Variants in HECTD2 observed in about 807,000 individuals in gnomAD.
HECTD2 encodes the protein HECT domain E3 ubiquitin protein ligase 2, also known as probable E3 ubiquitin-protein ligase HECTD2.
A neutral mutation model predicts 103.2 loss-of-function variants in HECTD2; 35 were observed. That is an observed-to-expected ratio of 0.34 (90% CI 0.26 to 0.45). The LOEUF is 0.45. HECTD2 is among the 20% of genes least tolerant of loss of function. The pLI is 1.00. For synonymous variants in HECTD2, 281 were observed against 329.9 expected (o/e 0.85, Z 1.61); for missense variants, 596 against 937.4 (o/e 0.64, Z 4.76).
At chr10:91,445,476 G>C (rs1439577195) in intron 2 of HECTD2, among the ~76,000 whole-genome samples, 1 of 152,124 alleles carries the variant, frequency 6.6e-6, no homozygotes, top group African/African-American at 2.4e-5. Flanking sequence ...AGTCTTAGAA[G>C]TATGGGACTG....
chr10:91,424,428 C>T lies in HECTD2; in HGVS notation c.139-853C>T, dbSNP rs989083410. On this transcript the variant is annotated intron_variant, in intron 1 of 20. Coordinates refer to ENST00000298068, the MANE Select transcript of HECTD2 (RefSeq NM_182765.6). ...CTCTACTGTGAAAGTGAAGACGTTA[C>T]CTTTAGAATTTAAAAGTGGATGTTA... is the stretch of plus-strand genomic sequence containing the variant. 3.4e-5 allele frequency among the ~76,000 whole-genome samples: 5 copies of T among 146,482 alleles called. No individual in the cohort carries two copies. The East Asian group carries it at 7.7e-4, about 23-fold the overall frequency.
chr10:91,483,996 A>G (rs1380224462), intron 8 of HECTD2: 1 of 225,584 alleles, frequency 4.4e-6, no homozygotes, highest in African/African-American at 2.3e-5. Flanking sequence ...TTGAAATTGC[A>G]AAATCACCAA....
chr10:91,444,878 A>G (rs1449701399), intron 2 of HECTD2, among the ~76,000 whole-genome samples: 3 of 152,198 alleles, frequency 2.0e-5, no homozygotes, highest in African/African-American at 4.8e-5. Flanking sequence ...GGGTTCATTC[A>G]GCGAACTTAT....
chr10:91,424,279 T>C (rs1289313144), intron 1 of HECTD2, among the ~76,000 whole-genome samples: 3 of 152,138 alleles, frequency 2.0e-5, no homozygotes, highest in East Asian at 1.9e-4. Flanking sequence ...TCTACCTAAC[T>C]GCAAGAGAAT....
intron 20 of HECTD2, among the ~76,000 whole-genome samples, chr10:91,503,170 C>T (rs993416284): frequency 5.3e-5 from 8 of 152,198 alleles, no homozygotes; most frequent in Non-Finnish European, 5.9e-5. Context: ...TGCTCAACAT[C>T]ACTAATCATT....
chr10:91,501,790 A>G (rs1376584217), intron 20 of HECTD2, among the ~76,000 whole-genome samples: 1 of 150,326 alleles, frequency 6.7e-6, no homozygotes, highest in African/African-American at 2.4e-5. Flanking sequence ...TTTTTTTTTT[A>G]ATCTCATGCT....
chr10:91,454,565 G>A (rs148307076), intron 2 of HECTD2, among the ~76,000 whole-genome samples: 195 of 151,460 alleles, frequency 1.3e-3, no homozygotes, highest in African/African-American at 4.6e-3. Flanking sequence ...TTAGAAAGGT[G>A]GAAAGTGTCT....
chr10:91,468,977 AT>A (rs1304233612), intron 5 of HECTD2, among the ~76,000 whole-genome samples: 1 of 151,712 alleles, frequency 6.6e-6, no homozygotes, highest in Non-Finnish European at 1.5e-5. Flanking sequence ...AGTTGCAAAC[AT>A]TAACAGCAGA....
chr10:91,450,277 G>T (rs1485164766), intron 2 of HECTD2, among the ~76,000 whole-genome samples: 1 of 152,124 alleles, frequency 6.6e-6, no homozygotes, highest in Non-Finnish European at 1.5e-5. Context: ...AATGGGGAAA[G>T]GATTCCCTAT....
chr10:91,459,206 C>T (rs934879005), intron 2 of HECTD2, among the ~76,000 whole-genome samples: 2 of 151,902 alleles, frequency 1.3e-5, no homozygotes, highest in African/African-American at 2.4e-5. Flanking sequence ...AATGACACCA[C>T]CAAATGCTGG....
intron 3 of HECTD2, 126 bp from the exon 4 acceptor site, chr10:91,461,128 C>T: frequency 2.0e-6 from 1 of 499,816 alleles, no homozygotes; most frequent in Non-Finnish European, 3.6e-6. Flanking sequence ...ACTATATTAA[C>T]TGGGACATAT....
chr10:91,420,359 G>T (rs1417841462), intron 1 of HECTD2, among the ~76,000 whole-genome samples: 1 of 151,348 alleles, frequency 6.6e-6, no homozygotes, highest in Non-Finnish European at 1.5e-5. Context: ...GCCGAGGCAG[G>T]TAGATCATGA....
chr10:91,436,284 A>G (rs957021332), intron 2 of HECTD2, among the ~76,000 whole-genome samples: 5 of 152,012 alleles, frequency 3.3e-5, no homozygotes, highest in African/African-American at 1.2e-4. Context: ...TTTGTTAACC[A>G]TAAGCTTTAT....
intron 20 of HECTD2, among the ~76,000 whole-genome samples, chr10:91,508,430 A>G (rs1847282342): frequency 6.6e-6 from 1 of 151,724 alleles, no homozygotes; most frequent in African/African-American, 2.4e-5. Context: ...TTTACAAGAA[A>G]AAAACAAACA....
intron 20 of HECTD2, among the ~76,000 whole-genome samples, chr10:91,505,595 C>G (rs1358302782): frequency 6.6e-6 from 1 of 150,508 alleles, no homozygotes; most frequent in Non-Finnish European, 1.5e-5. Context: ...TATATGCACC[C>G]AATACAGGAG....
Position 91,512,916 on chromosome 10 carries a change from T to C in HECTD2, c.*532T>C, listed in dbSNP as rs143557737. ...GGACCTATAAGATTCTTCTCAGCAG[T>C]TGCTGAAAAGCATGTAAATAACTAC... On this transcript the variant is annotated 3_prime_UTR_variant, in exon 21 of 21. Transcript: ENST00000298068. 2 of 153,000 alleles carry C rather than the reference T, an allele frequency of 1.3e-5. No individual in the cohort carries two copies. The highest frequency in any genetic ancestry group is 1.9e-4 in the East Asian group (1 of 5,182). The allele number at this position is 153,000 out of a possible 1,614,324, so 9.5% of individuals were successfully genotyped here. A position where few individuals can be genotyped will look rare whatever the true frequency, so the allele number is the denominator to read the frequency against.
At chr10:91,489,453 C>G (rs188579236) in intron 11 of HECTD2, 58 of 152,304 alleles carry the variant, frequency 3.8e-4, no homozygotes, top group African/African-American at 1.3e-3. Context: ...ATAAGTTCCT[C>G]AGTCACAGTG....
chr10:91,506,031 C>T (rs1437974240), intron 20 of HECTD2, among the ~76,000 whole-genome samples: 3 of 152,014 alleles, frequency 2.0e-5, no homozygotes, highest in Non-Finnish European at 4.4e-5. Flanking sequence ...CTACTGGGTA[C>T]ATAACGAAAT....
chr10:91,468,758 C>T (rs953047153), intron 5 of HECTD2, among the ~76,000 whole-genome samples: 1 of 151,926 alleles, frequency 6.6e-6, no homozygotes, highest in East Asian at 1.9e-4. Context: ...AAATTTTACC[C>T]CATCTCTACA....
Sources: gnomAD v4.1 joint callset for allele counts (sites outside exome capture counted in the v4.1 genomes callset) on GRCh38, gnomAD v4.1.1 for gene constraint, MANE v1.5 for transcripts, NCBI Gene and HGNC (gene_info 2026-07-23, HGNC 2026-07-21) for gene names.